Variants in ATXN8OS observed in about 807,000 individuals in gnomAD.
ATXN8OS encodes ATXN8 opposite strand lncRNA, also known as ATXN8 opposite strand (non-protein coding).
intron 2 of ATXN8OS, among the ~76,000 whole-genome samples, chr13:70,120,319 G>C (rs1288701546): frequency 6.6e-6 from 1 of 152,140 alleles, no homozygotes; most frequent in Non-Finnish European, 1.5e-5. Context: ...ACAAAAAATA[G>C]AGAATCAGTA....
intron 2 of ATXN8OS, among the ~76,000 whole-genome samples, chr13:70,117,556 G>T (rs1220064472): frequency 6.6e-6 from 1 of 152,000 alleles, no homozygotes; most frequent in Non-Finnish European, 1.5e-5. Flanking sequence ...AACAGTATGT[G>T]CATTATTCCT....
At chr13:70,164,504 C>T in intron 4 of ATXN8OS, among the ~76,000 whole-genome samples, 1 of 151,630 alleles carries the variant, frequency 6.6e-6, no homozygotes, top group Non-Finnish European at 1.5e-5. Context: ...CATCTTTGTA[C>T]AAAAATATAC....
chr13:70,145,026 T>C (rs1229538627), intron 3 of ATXN8OS, among the ~76,000 whole-genome samples: 2 of 152,156 alleles, frequency 1.3e-5, no homozygotes, highest in African/African-American at 4.8e-5. Context: ...TTAATTTTTG[T>C]ATAAGGTGTA....
At chr13:70,140,264 A>G (rs1408077028) in intron 3 of ATXN8OS, among the ~76,000 whole-genome samples, 1 of 146,686 alleles carries the variant, frequency 6.8e-6, no homozygotes, top group Non-Finnish European at 1.5e-5. Context: ...ACAATAAGTT[A>G]TTTATTTTTG....
chr13:70,124,034 T>A (rs1322945842), intron 2 of ATXN8OS, among the ~76,000 whole-genome samples: 1 of 152,148 alleles, frequency 6.6e-6, no homozygotes, highest in African/African-American at 2.4e-5. Context: ...AGACACGACA[T>A]TAAATCTAGT....
intron 4 of ATXN8OS, among the ~76,000 whole-genome samples, chr13:70,154,344 A>C (rs1888910036): frequency 6.6e-6 from 1 of 152,108 alleles, no homozygotes; most frequent in Admixed American, 6.5e-5. Flanking sequence ...TTCCAACTCC[A>C]TCTTACCTCA....
chr13:70,131,393 C>G (rs1377155377), intron 3 of ATXN8OS: 3 of 398,422 alleles, frequency 7.5e-6, no homozygotes, highest in Admixed American at 4.4e-5. Context: ...CATATATGAC[C>G]GTGACACGTA....
At chr13:70,148,366 T>A (rs1888817907) in intron 4 of ATXN8OS, among the ~76,000 whole-genome samples, 1 of 152,138 alleles carries the variant, frequency 6.6e-6, no homozygotes, top group Non-Finnish European at 1.5e-5. Flanking sequence ...GGACTTGGCA[T>A]CTTATTAATA....
At chr13:70,150,680 A>G (rs973913350) in intron 4 of ATXN8OS, among the ~76,000 whole-genome samples, 2 of 152,052 alleles carry the variant, frequency 1.3e-5, no homozygotes, top group East Asian at 3.9e-4. Context: ...ACATCTTTCT[A>G]AAGTAATTAC....
chr13:70,169,250 T>C (rs1321785583), intron 4 of ATXN8OS, among the ~76,000 whole-genome samples: 4 of 152,140 alleles, frequency 2.6e-5, no homozygotes, highest in Admixed American at 2.6e-4. Context: ...AACGAAAGAA[T>C]AGCATCCTAG....
intron 2 of ATXN8OS, among the ~76,000 whole-genome samples, chr13:70,126,572 G>T (rs2137479486): frequency 6.6e-6 from 1 of 151,156 alleles, no homozygotes; most frequent in East Asian, 2.0e-4. Flanking sequence ...TACATAAATA[G>T]ATCGATGTAA....
intron 4 of ATXN8OS, among the ~76,000 whole-genome samples, chr13:70,152,724 A>G (rs527243345): frequency 2.2e-4 from 33 of 152,118 alleles, no homozygotes; most frequent in Non-Finnish European, 4.3e-4. Flanking sequence ...CTCTGTTTCA[A>G]ATATTCTGGG....
rs376751410 is a variant in ATXN8OS, at chr13:70,118,540, C to T, written n.398+3242C>T. 1.3e-4 allele frequency among the ~76,000 whole-genome samples: 20 copies of T among 151,940 alleles called. No homozygotes were observed. In the East Asian group the frequency reaches 2.7e-3, roughly 21 times the overall value. ...TAAGAATGCCATATATACATATATG[C>T]ATTTATATATTTCATTTATACATAG... On this transcript the variant is annotated intron_variant and non_coding_transcript_variant, in intron 2 of 4. Transcript: ENST00000678624.
chr13:70,168,162 C>T (rs1186079891), intron 4 of ATXN8OS, among the ~76,000 whole-genome samples: 1 of 152,000 alleles, frequency 6.6e-6, no homozygotes, highest in African/African-American at 2.4e-5. Context: ...TTTCCCAAGG[C>T]TTGAGAACAA....
chr13:70,156,407 A>G (rs1888937115), intron 4 of ATXN8OS, among the ~76,000 whole-genome samples: 1 of 152,174 alleles, frequency 6.6e-6, no homozygotes, highest in Non-Finnish European at 1.5e-5. Context: ...ATACACTATA[A>G]TCATTTTACT....
intron 4 of ATXN8OS, among the ~76,000 whole-genome samples, chr13:70,156,600 C>T (rs1276908653): frequency 2.0e-5 from 3 of 151,848 alleles, no homozygotes; most frequent in African/African-American, 7.3e-5. Flanking sequence ...ATTCACAACA[C>T]GTTACTCTTT....
At chr13:70,154,358 C>T (rs1888910243) in intron 4 of ATXN8OS, among the ~76,000 whole-genome samples, 2 of 152,188 alleles carry the variant, frequency 1.3e-5, no homozygotes, top group Non-Finnish European at 2.9e-5. Context: ...TACCTCAGGT[C>T]ATAAAGCCTG....
rs981098984 is a variant in ATXN8OS, at chr13:70,164,067, A to C, written n.574-5686A>C. Among the ~76,000 whole-genome samples the C allele has an allele frequency of 2.5e-3, 345 of 139,108 alleles. 2 individuals carry two copies. The highest frequency in any genetic ancestry group is 8.0e-3 in the African/African-American group (303 of 37,874). 91.3% of individuals were successfully genotyped at this position (139,108 alleles called of 152,430 possible). ...GGAAGTTTTTATTCTTATTATTATT[A>C]TTATTATTATTATTATTATTATTAT... On this transcript the variant is annotated intron_variant and non_coding_transcript_variant, in intron 4 of 4. Transcript: ENST00000678624.
intron 4 of ATXN8OS, among the ~76,000 whole-genome samples, chr13:70,158,082 G>A (rs74596554): frequency 2.0e-5 from 3 of 152,216 alleles, no homozygotes; most frequent in East Asian, 1.9e-4. Flanking sequence ...GTGTAAAGCC[G>A]CTAGGAAAAG....
Sources: allele counts gnomAD v4.1 joint callset (sites outside exome capture counted in the v4.1 genomes callset), GRCh38; gene constraint gnomAD v4.1.1; transcripts MANE v1.5; gene names NCBI Gene and HGNC (gene_info 2026-07-23, HGNC 2026-07-21).